RALGAPA1: variants seen among roughly 807,000 people sequenced by gnomAD.
The protein encoded by RALGAPA1 is Ral GTPase activating protein catalytic subunit alpha 1, also known as ral GTPase-activating protein subunit alpha-1.
RALGAPA1 carries 52 observed loss-of-function variants against 269.6 expected under a neutral mutation model. The observed-to-expected ratio is 0.19, with a 90% CI of 0.15 to 0.24. The LOEUF is 0.24. Among genes scored for constraint, RALGAPA1 ranks in the 10% least tolerant of loss-of-function variants. RALGAPA1 has a pLI of 1.00. For synonymous variants in RALGAPA1, 817 were observed against 1,008.3 expected (o/e 0.81, Z 3.60); for missense variants, 1,917 against 3,013.9 (o/e 0.64, Z 8.52).
chr14:35,583,987 T>C (rs977188506), intron 37 of RALGAPA1, among the ~76,000 whole-genome samples: 1 of 152,116 alleles, frequency 6.6e-6, no homozygotes, highest in Non-Finnish European at 1.5e-5. Flanking sequence ...GAAAAACATA[T>C]GTGTCATAAA....
chr14:35,637,774 A>T (rs976998780), intron 31 of RALGAPA1, among the ~76,000 whole-genome samples: 1 of 151,968 alleles, frequency 6.6e-6, no homozygotes, highest in Non-Finnish European at 1.5e-5. Context: ...ACATTTAATA[A>T]TCAAACTCTC....
chr14:35,766,199 T>C (rs2074129233), intron 4 of RALGAPA1: 2 of 828,672 alleles, frequency 2.4e-6, no homozygotes, highest in South Asian at 2.7e-5. Context: ...ATGGTCTCAT[T>C]TCCCTGGAGG....
chr14:35,745,530 T>C (rs1345033137), intron 10 of RALGAPA1, among the ~76,000 whole-genome samples: 4 of 135,966 alleles, frequency 2.9e-5, no homozygotes, highest in Non-Finnish European at 6.3e-5. Flanking sequence ...CTTTGAGAGG[T>C]TGAGGCGGGC....
chr14:35,732,641 TAA>T (rs2070610803), intron 12 of RALGAPA1, among the ~76,000 whole-genome samples: 1 of 152,146 alleles, frequency 6.6e-6, no homozygotes, highest in Non-Finnish European at 1.5e-5. Flanking sequence ...CAACAGCAGT[TAA>T]AAGAGACAAA....
intron 7 of RALGAPA1, among the ~76,000 whole-genome samples, chr14:35,752,767 A>C (rs2072839404): frequency 6.6e-6 from 1 of 152,194 alleles, no homozygotes; most frequent in Non-Finnish European, 1.5e-5. Context: ...ACTGGAACCC[A>C]ATCAAGTTAA....
chr14:35,594,078 A>C (rs2058789491), intron 37 of RALGAPA1, among the ~76,000 whole-genome samples: 1 of 152,088 alleles, frequency 6.6e-6, no homozygotes, highest in African/African-American at 2.4e-5. Flanking sequence ...GCATTTCCAC[A>C]CGGAAAAGAA....
intron 12 of RALGAPA1, among the ~76,000 whole-genome samples, chr14:35,735,812 T>C (rs1001457476): frequency 6.6e-6 from 1 of 152,130 alleles, no homozygotes; most frequent in Non-Finnish European, 1.5e-5. Flanking sequence ...TTTAACAGAA[T>C]CAAGAGATAT....
At chr14:35,612,061 G>A (rs1236458408) in intron 35 of RALGAPA1, among the ~76,000 whole-genome samples, 2 of 152,032 alleles carry the variant, frequency 1.3e-5, no homozygotes, top group African/African-American at 4.8e-5. Flanking sequence ...CTGGGACAAC[G>A]AGATATCTAC....
chr14:35,542,338 T>A (rs2054084770), intron 41 of RALGAPA1: 3 of 175,830 alleles, frequency 1.7e-5, no homozygotes, highest in Non-Finnish European at 3.6e-5. Flanking sequence ...AACATTTCCA[T>A]CACCATAGAA....
At chr14:35,674,390 A>G in intron 23 of RALGAPA1, 112 bp from the exon 24 acceptor site, 1 of 1,247,982 alleles carries the variant, frequency 8.0e-7, no homozygotes, top group Non-Finnish European at 1.1e-6. Flanking sequence ...ATTACAATTA[A>G]GTGACTTTGC....
intron 3 of RALGAPA1, among the ~76,000 whole-genome samples, chr14:35,772,807 C>A (rs762863890): frequency 2.0e-5 from 3 of 152,148 alleles, no homozygotes; most frequent in African/African-American, 7.2e-5. Flanking sequence ...AAATTCAATA[C>A]GCCTATTTCT....
At chr14:35,675,150 C>T (rs1327072527) in intron 22 of RALGAPA1, among the ~76,000 whole-genome samples, 1 of 152,118 alleles carries the variant, frequency 6.6e-6, no homozygotes, top group Non-Finnish European at 1.5e-5. Context: ...ACATCCCAGA[C>T]CAGCATTAAG....
At chr14:35,698,562 TATAA>T (rs889236032) in intron 17 of RALGAPA1, among the ~76,000 whole-genome samples, 6 of 152,042 alleles carry the variant, frequency 3.9e-5, no homozygotes, top group South Asian at 2.1e-4. Flanking sequence ...CTGTACTCGA[TATAA>T]ATAAATAAAT....
intron 20 of RALGAPA1, among the ~76,000 whole-genome samples, 181 bp downstream of exon 20, chr14:35,684,748 G>A (rs1303438385): frequency 6.6e-6 from 1 of 152,024 alleles, no homozygotes; most frequent in African/African-American, 2.4e-5. Flanking sequence ...TTCAGGCCAG[G>A]AGTTCAAGAC....
intron 36 of RALGAPA1, among the ~76,000 whole-genome samples, chr14:35,600,650 T>C (rs1168140381): frequency 1.3e-5 from 2 of 152,242 alleles, no homozygotes; most frequent in African/African-American, 2.4e-5. Context: ...TAGCCTTTTA[T>C]TTCAGTTATT....
At position 35,686,524 on chromosome 14, in the gene RALGAPA1, A is replaced by G. The variant is rs768355220; in HGVS notation, c.4077+18T>C. ...TCTACCCTCCTCTATAAAACCAAAT[A>G]TATAAAATAAAACTTACCGAGGCAT... is the stretch of plus-strand genomic sequence containing the variant. On this transcript the variant is annotated intron_variant, in intron 19 of 41. Coordinates refer to ENST00000680220, the MANE Select transcript of RALGAPA1 (RefSeq NM_001346249.2). The G allele has an allele frequency of 4.4e-6, 7 of 1,586,560 alleles. No individual in the cohort carries two copies. In the East Asian group the frequency reaches 1.6e-4, roughly 36 times the overall value.
chr14:35,637,469 A>G (rs10133920), intron 31 of RALGAPA1, among the ~76,000 whole-genome samples: 1 of 152,098 alleles, frequency 6.6e-6, no homozygotes, highest in Admixed American at 6.5e-5. Flanking sequence ...AGAACGGATA[A>G]TGCAGAAAAA....
intron 37 of RALGAPA1, among the ~76,000 whole-genome samples, chr14:35,584,670 A>G (rs1176816853): frequency 1.3e-5 from 2 of 152,208 alleles, no homozygotes; most frequent in African/African-American, 4.8e-5. Flanking sequence ...AAAAAGAAGC[A>G]TAATTGATAT....
intron 12 of RALGAPA1, among the ~76,000 whole-genome samples, chr14:35,734,012 T>C (rs2070747491): frequency 6.6e-6 from 1 of 152,116 alleles, no homozygotes; most frequent in Non-Finnish European, 1.5e-5. Context: ...GCGAAAGACC[T>C]CTACAAGGAA....
Sources: gnomAD v4.1 joint callset for allele counts (sites outside exome capture counted in the v4.1 genomes callset) on GRCh38, gnomAD v4.1.1 for gene constraint, MANE v1.5 for transcripts, NCBI Gene and HGNC (gene_info 2026-07-23, HGNC 2026-07-21) for gene names.